PXDC1: variants seen among roughly 807,000 people sequenced by gnomAD.
PXDC1 encodes the protein PX domain containing 1.
PXDC1 carries 13 observed loss-of-function variants against 24.4 expected under a neutral mutation model. The observed-to-expected ratio is 0.53, with a 90% CI of 0.35 to 0.85. The LOEUF is 0.85. PXDC1 is among the 40% of genes least tolerant of loss of function. The probability of loss-of-function intolerance (pLI) is 0.01; values close to 1 mark genes in which losing one functional copy is unlikely to be tolerated. For synonymous variants in PXDC1, 162 were observed against 124.9 expected, an observed-to-expected ratio of 1.30 and a Z score of -1.98; for missense variants, 344 against 309.3, an observed-to-expected ratio of 1.11 and a Z score of -0.84.
chr6:3,750,084 C>T (rs1279974006), intron 1 of PXDC1, among the ~76,000 whole-genome samples: 3 of 152,244 alleles, frequency 2.0e-5, no homozygotes, highest in Admixed American at 1.3e-4. Context: ...TCGCTCAGGG[C>T]CCCAACTCGC....
At chr6:3,751,249 G>A (rs1328467621) in intron 1 of PXDC1, 27 bp downstream of exon 1, 2 of 1,430,728 alleles carry the variant, frequency 1.4e-6, no homozygotes, top group African/African-American at 3.0e-5. Context: ...TCGGCCCCGC[G>A]CCCCTCCCGC....
In PXDC1 at chr6:3,750,704, G is replaced by A. The variant is rs947533667; in HGVS notation, c.256+572C>T. 1.5e-4 allele frequency among the ~76,000 whole-genome samples: 23 copies of A among 152,288 alleles called. No individual in the cohort carries two copies. In the East Asian group the frequency reaches 4.3e-3, roughly 28 times the overall value. On this transcript the variant is annotated intron_variant, in intron 1 of 4. Coordinates refer to ENST00000380283, the MANE Select transcript of PXDC1 (RefSeq NM_183373.4). The stretch of plus-strand genomic sequence containing the variant: ...CCTGGCGGGGGTGCGGGGGGGCCCT[G>A]GCTGTCCGCGGCAGCCGCGGGCGGG...
chr6:3,741,425 A>G (rs1007990249), intron 1 of PXDC1, among the ~76,000 whole-genome samples: 6 of 152,126 alleles, frequency 3.9e-5, no homozygotes, highest in Admixed American at 2.6e-4. Flanking sequence ...CTTATTTTTT[A>G]AGCTCTAGGA....
At chr6:3,738,001 G>A in intron 2 of PXDC1, 56 bp downstream of exon 2, 1 of 1,403,114 alleles carries the variant, frequency 7.1e-7, no homozygotes, top group South Asian at 1.2e-5. Context: ...TTTCGCATTT[G>A]GGAGGTGCCA....
chr6:3,738,085 A>G lies in PXDC1; in HGVS notation c.320T>C (p.Leu107Pro). 6.2e-7 allele frequency: 1 copy of G among 1,614,144 alleles called. No homozygotes were observed. Among genetic ancestry groups the G allele is most frequent in the South Asian group, 1.1e-5 (1 of 91,076 alleles). Reference sequence around the variant, plus strand: ...ACAGGGCATGCTTATGATCGTCTTCAGCAGCTTCTCCACCTCATTAAGCCT... The same window carrying G: ...ACAGGGCATGCTTATGATCGTCTTCGGCAGCTTCTCCACCTCATTAAGCCT... ...ETRLNEVEKL[L>P]KTIISMPCKY... The change falls in exon 2 of 5, where the codon CTG becomes CCG. Residue 107 changes from leucine (L) to proline (P), a missense_variant. Leu to Pro is a moderately conservative substitution (Grantham distance 98). Coordinates refer to ENST00000380283, the MANE Select transcript of PXDC1 (RefSeq NM_183373.4).
At chr6:3,740,747 T>G (rs1267895013) in intron 1 of PXDC1, among the ~76,000 whole-genome samples, 2 of 152,220 alleles carry the variant, frequency 1.3e-5, no homozygotes, top group African/African-American at 2.4e-5. Context: ...AGGCTCATGA[T>G]GGGGCAAAGC....
In PXDC1 at chr6:3,737,726, G is replaced by A; in HGVS notation, c.348+331C>T. 2.0e-6 allele frequency: 2 copies of A among 984,030 alleles called. No individual in the cohort carries two copies. Among genetic ancestry groups the A allele is most frequent in the South Asian group, 9.4e-5 (2 of 21,278 alleles). The allele number at this position is 984,030 out of a possible 1,614,324, so 61.0% of individuals were successfully genotyped here. ...TCTAAAATCCCCTCAGCAAGACGGT[G>A]GATTCTGAGCAGAGGCAGAAAGCAA... On this transcript the variant is annotated intron_variant, in intron 2 of 4. Coordinates refer to ENST00000380283, the MANE Select transcript of PXDC1 (RefSeq NM_183373.4). This position sits in a 1 kb window ranked among gnomAD's most constrained non-coding sequence, Gnocchi z 5.5.
In PXDC1 at chr6:3,751,405, T is replaced by G. The variant is rs1480230933; in HGVS notation, c.127A>C (p.Thr43Pro). Residue 43 changes from threonine to proline, a missense_variant, in exon 1 of 5, where the codon ACG becomes CCG. Coordinates refer to ENST00000380283, the MANE Select transcript of PXDC1 (RefSeq NM_183373.4). ...AGCACGCTGCGGTCCGACCACTCCGTGCGGATCTCGAAGAACTCCTCTTCG... is the reference window on the plus strand; with the variant it reads ...AGCACGCTGCGGTCCGACCACTCCGGGCGGATCTCGAAGAACTCCTCTTCG... ...GDEEEFFEIR[T>P]EWSDRSVLYL... 1 of 1,577,662 alleles carries G rather than the reference T, an allele frequency of 6.3e-7. No homozygotes were observed. The highest frequency in any genetic ancestry group is 2.3e-5 in the East Asian group (1 of 42,858).
chr6:3,740,282 C>G (rs1760424004), intron 1 of PXDC1, among the ~76,000 whole-genome samples: 1 of 152,166 alleles, frequency 6.6e-6, no homozygotes, highest in South Asian at 2.1e-4. Flanking sequence ...TGATAACCTC[C>G]AAGGGTCACA....
At position 3,725,699 on chromosome 6, in the gene PXDC1, C is replaced by T. The variant is rs9378382; in HGVS notation, c.578+1852G>A. 0.41 allele frequency among the ~76,000 whole-genome samples: 62,043 copies of T among 151,968 alleles called. 15,162 individuals are homozygous for T. Among genetic ancestry groups the T allele is most frequent in the Non-Finnish European group, 0.55 (37,198 of 67,900 alleles). On this transcript the variant is annotated intron_variant, in intron 4 of 4. Coordinates refer to ENST00000380283, the MANE Select transcript of PXDC1 (RefSeq NM_183373.4). The surrounding 1 kb of genome is among the most constrained non-coding windows in gnomAD (Gnocchi z 4.8). ...TGTCTGTGCTCTTGGTCGCTGTCAA[C>T]CCCCCACCCGACAGCCGGTGCCGTG...
Position 3,751,594 on chromosome 6 carries a change from C to T in PXDC1, c.-63G>A. The T allele has an allele frequency of 2.1e-6, 3 of 1,431,112 alleles. No individual in the cohort carries two copies. The highest frequency in any genetic ancestry group is 5.6e-5 in the Admixed American group (2 of 35,840). The allele number at this position is 1,431,112 out of a possible 1,614,324, so 88.7% of individuals were successfully genotyped here. A position where few individuals can be genotyped will look rare whatever the true frequency, so the allele number is the denominator to read the frequency against. ...GCCGCCCGCCCGCCCGCAGGAGGCG[C>T]GCCCCGGCCGGGGTCGTCCCGGGTC... On this transcript the variant is annotated 5_prime_UTR_variant, in exon 1 of 5. Coordinates refer to ENST00000380283, the MANE Select transcript of PXDC1 (RefSeq NM_183373.4).
At position 3,724,564 on chromosome 6, in the gene PXDC1, C is replaced by T. The variant is rs898388890; in HGVS notation, c.579-828G>A. 3.9e-5 allele frequency among the ~76,000 whole-genome samples: 6 copies of T among 152,286 alleles called. No individual in the cohort carries two copies. Among genetic ancestry groups the T allele is most frequent in the African/African-American group, 1.2e-4 (5 of 41,550 alleles). On this transcript the variant is annotated intron_variant, in intron 4 of 4. Coordinates refer to ENST00000380283, the MANE Select transcript of PXDC1 (RefSeq NM_183373.4). This position sits in a 1 kb window ranked among gnomAD's most constrained non-coding sequence, Gnocchi z 4.5. The stretch of plus-strand genomic sequence containing the variant: ...GAGCTGTACGGCTCGTGGGATTTTC[C>T]TCCACCTATGAATCAGCCCAAACCC...
Position 3,751,423 on chromosome 6 carries a change from C to G in PXDC1, c.109G>C (p.Glu37Gln). The G allele has an allele frequency of 1.3e-6, 2 of 1,585,364 alleles. No homozygotes were observed. The highest frequency in any genetic ancestry group is 2.3e-5 in the South Asian group (2 of 86,834). ...LIVSRRGDEEEFFEIRTEWSD... is the reference protein window; with the variant it reads ...LIVSRRGDEEQFFEIRTEWSD... ...CACTCCGTGCGGATCTCGAAGAACT[C>G]CTCTTCGTCGCCGCGCCGGCTGACG... The change falls in exon 1 of 5, where the codon GAG (glutamate) becomes CAG (glutamine). Residue 37 changes from glutamate (E) to glutamine (Q), a missense_variant. Coordinates refer to ENST00000380283, the MANE Select transcript of PXDC1 (RefSeq NM_183373.4).
intron 1 of PXDC1, among the ~76,000 whole-genome samples, chr6:3,740,903 G>A (rs997596827): frequency 3.9e-5 from 6 of 152,400 alleles, no homozygotes; most frequent in African/African-American, 1.4e-4. Context: ...ACTAGTGAGA[G>A]TCATAGGGCA....
chr6:3,748,109 A>G (rs968285629), intron 1 of PXDC1, among the ~76,000 whole-genome samples: 12 of 152,082 alleles, frequency 7.9e-5, no homozygotes, highest in African/African-American at 2.9e-4. Flanking sequence ...TAAAGCATAA[A>G]CCTTCCTAGA....
intron 1 of PXDC1, among the ~76,000 whole-genome samples, chr6:3,749,000 C>G (rs1760636386): frequency 6.6e-6 from 1 of 152,182 alleles, no homozygotes; most frequent in African/African-American, 2.4e-5. Context: ...TTTTACATTA[C>G]TGGGATATAT....
chr6:3,735,405 T>A (rs1163496961), intron 3 of PXDC1, among the ~76,000 whole-genome samples: 1 of 152,204 alleles, frequency 6.6e-6, no homozygotes, highest in African/African-American at 2.4e-5. Context: ...GTGGTACATA[T>A]GCACAACGGA....
intron 3 of PXDC1, among the ~76,000 whole-genome samples, chr6:3,730,722 C>T (rs374239970): frequency 5.8e-4 from 88 of 152,328 alleles, no homozygotes; most frequent in African/African-American, 2.1e-3. Context: ...AGGCAAAAGG[C>T]TGCATTGAGA....
At chr6:3,741,019 C>G (rs1760438294) in intron 1 of PXDC1, among the ~76,000 whole-genome samples, 1 of 152,386 alleles carries the variant, frequency 6.6e-6, no homozygotes, top group African/African-American at 2.4e-5. Flanking sequence ...ACACTTGCAT[C>G]AGATGAGACA....
Sources: gnomAD v4.1 joint callset for allele counts (sites outside exome capture counted in the v4.1 genomes callset) on GRCh38, gnomAD v4.1.1 for gene constraint, Gnocchi (gnomAD v3.1) non-coding constraint, MANE v1.5 for transcripts, NCBI Gene and HGNC (gene_info 2026-07-23, HGNC 2026-07-21) for gene names.